The following DIP2C variants were observed in gnomAD, a reference collection of about 807,000 sequenced individuals.
DIP2C encodes the protein disco-interacting protein 2 homolog C.
A neutral mutation model predicts 192.4 loss-of-function variants in DIP2C; 33 were observed. That is an observed-to-expected ratio of 0.17 (90% CI 0.13 to 0.23). DIP2C has a LOEUF of 0.23. DIP2C is among the 10% of genes least tolerant of loss of function. The pLI, the probability that DIP2C is intolerant of heterozygous loss-of-function variation, is 1.00. For synonymous variants in DIP2C, 979 were observed against 864.1 expected, an observed-to-expected ratio of 1.13 and a Z score of -2.33; for missense variants, 1,537 against 2,110.1, an observed-to-expected ratio of 0.73 and a Z score of 5.32.
At chr10:468,307 A>AC (rs543729365) in intron 3 of DIP2C, among the ~76,000 whole-genome samples, 256 of 152,190 alleles carry the variant, frequency 1.7e-3, no homozygotes, top group African/African-American at 6.0e-3. Context: ...CCCAGTAATG[A>AC]CCCCATGCCC....
intron 17 of DIP2C, among the ~76,000 whole-genome samples, chr10:378,588 G>GACAT (rs1961936291): frequency 2.3e-5 from 2 of 85,510 alleles, no homozygotes; most frequent in African/African-American, 5.1e-5. Flanking sequence ...TGTGAACGCA[G>GACAT]ACATAGACAC....
In DIP2C at chr10:377,668, G is replaced by GT. The variant is rs1961785762; in HGVS notation, c.1991+4978dup. 2.6e-5 allele frequency among the ~76,000 whole-genome samples: 4 copies of GT among 152,158 alleles called. 1 individual carries two copies. The South Asian group carries it at 8.3e-4, about 32-fold the overall frequency. On this transcript the variant is annotated intron_variant, in intron 17 of 36. Coordinates refer to ENST00000280886, the MANE Select transcript of DIP2C (RefSeq NM_014974.3). ...CACTTTGGCTCAGGGCTGTGCTGAC[G>GT]TTTTCTCCGCTGTCACTCATCCAGG...
intron 24 of DIP2C, among the ~76,000 whole-genome samples, chr10:355,343 C>G (rs536062134): frequency 1.3e-5 from 2 of 152,224 alleles, no homozygotes; most frequent in East Asian, 3.9e-4. Context: ...AACTAAGCCA[C>G]GTGCAGAGAA....
chr10:446,101 C>A (rs1371107837), intron 3 of DIP2C, among the ~76,000 whole-genome samples: 1 of 151,830 alleles, frequency 6.6e-6, no homozygotes, highest in African/African-American at 2.4e-5. Flanking sequence ...CAAAGAGTCT[C>A]ATGGTCCACT....
chr10:363,253 G>T lies in DIP2C; in HGVS notation c.2536C>A (p.Gln846Lys). ...TCCTCTTCCGTGGAGTCAGGCCTCT[G>T]CTCAGCCACGATCACGATCCTCTCG... The part of the protein sequence containing the change: ...HDERIVIVAE[Q>K]RPDSTEEDSF... The change falls in exon 21 of 37, where the codon CAG (glutamine) becomes AAG (lysine). Residue 846 changes from glutamine (Q) to lysine (K), a missense_variant. Gln to Lys is a moderately conservative substitution (Grantham distance 53, BLOSUM62 1). This residue lies in a region of DIP2C where 677 missense variants were observed against 989.9 expected (regional missense o/e 0.68). Transcript: ENST00000280886. The surrounding 1 kb of genome is among the most constrained non-coding windows in gnomAD (Gnocchi z 5.4). The T allele has an allele frequency of 6.2e-7, 1 of 1,613,442 alleles. No individual in the cohort carries two copies. Among genetic ancestry groups the T allele is most frequent in the Non-Finnish European group, 8.5e-7 (1 of 1,179,986 alleles).
chr10:615,614 TACACACACACACCCGCCCC>T lies in DIP2C; in HGVS notation c.85+73861_85+73879del, dbSNP rs1554756149. ...ATGCCAGAAGAGATGTAGGTTCATA[TACACACACACACCCGCCCC>T]ACACACACACACAGGGTTTGCTTAG... On this transcript the variant is annotated intron_variant, in intron 1 of 36. Transcript: ENST00000280886. 5.3e-5 allele frequency among the ~76,000 whole-genome samples: 8 copies of T among 150,646 alleles called. No individual in the cohort carries two copies. The South Asian group carries it at 1.7e-3, about 32-fold the overall frequency.
chr10:458,020 C>T (rs1020558379), intron 3 of DIP2C, among the ~76,000 whole-genome samples: 4 of 152,302 alleles, frequency 2.6e-5, no homozygotes, highest in East Asian at 1.9e-4. Flanking sequence ...GCCCAGCCAC[C>T]CGCCCGAAAG....
chr10:327,404 A>C (rs1022360489), intron 30 of DIP2C, among the ~76,000 whole-genome samples: 6 of 152,228 alleles, frequency 3.9e-5, no homozygotes, highest in Non-Finnish European at 8.8e-5. Flanking sequence ...CACGTCTCAA[A>C]CAACCACCTG....
intron 2 of DIP2C, among the ~76,000 whole-genome samples, chr10:483,952 G>C (rs1228946597): frequency 1.3e-5 from 2 of 152,096 alleles, no homozygotes; most frequent in Non-Finnish European, 2.9e-5. Flanking sequence ...ATATAGCTGG[G>C]ATCACAGGCA....
At chr10:353,014 A>G (rs1047862332) in intron 24 of DIP2C, among the ~76,000 whole-genome samples, 1 of 152,136 alleles carries the variant, frequency 6.6e-6, no homozygotes, top group Non-Finnish European at 1.5e-5. Context: ...CGCAGGTGAC[A>G]GTCGTCATTC....
chr10:533,166 C>A (rs894171377), intron 1 of DIP2C, among the ~76,000 whole-genome samples: 2 of 149,042 alleles, frequency 1.3e-5, no homozygotes, highest in African/African-American at 5.2e-5. Flanking sequence ...TCAGAACTGA[C>A]CCTCCCTCGA....
intron 1 of DIP2C, among the ~76,000 whole-genome samples, chr10:548,214 C>CCG (rs1564838660): frequency 8.1e-6 from 1 of 122,970 alleles, no homozygotes; most frequent in Non-Finnish European, 1.8e-5. Context: ...CCCCACCCCC[C>CCG]CCCCCACAGG....
At chr10:500,772 A>G (rs1186474015) in intron 1 of DIP2C, among the ~76,000 whole-genome samples, 1 of 152,258 alleles carries the variant, frequency 6.6e-6, no homozygotes, top group African/African-American at 2.4e-5. Flanking sequence ...TGGGTAAGCA[A>G]TGGATAACAA....
chr10:324,798 G>C (rs537920236), intron 31 of DIP2C: 4 of 405,950 alleles, frequency 9.9e-6, no homozygotes, highest in Non-Finnish European at 1.6e-5. Context: ...CCCTGGTGCC[G>C]AGGTAAGGAC....
intron 29 of DIP2C, among the ~76,000 whole-genome samples, chr10:338,860 C>A (rs1958003324): frequency 2.1e-5 from 3 of 141,826 alleles, no homozygotes; most frequent in Admixed American, 1.4e-4. Context: ...CTGCCTGGCT[C>A]CCACAGCCCA....
At chr10:647,417 G>C (rs1428067998) in intron 1 of DIP2C, among the ~76,000 whole-genome samples, 2 of 151,922 alleles carry the variant, frequency 1.3e-5, no homozygotes, top group Non-Finnish European at 2.9e-5. Context: ...GGAGAGAACA[G>C]AGCGAAATTG....
intron 1 of DIP2C, among the ~76,000 whole-genome samples, chr10:529,215 C>T (rs948530607): frequency 6.6e-6 from 1 of 152,200 alleles, no homozygotes; most frequent in African/African-American, 2.4e-5. Context: ...TTCCTCTATA[C>T]CACACACCAG....
At chr10:365,143 A>G in intron 19 of DIP2C, 1 of 410,224 alleles carries the variant, frequency 2.4e-6, no homozygotes. Context: ...ATTTGTATCC[A>G]GCTCAGTTTC....
rs150344966 is a variant in DIP2C, at chr10:382,539, G to A, written c.1991+108C>T. On this transcript the variant is annotated intron_variant, in intron 17 of 36. Transcript: ENST00000280886. Reference sequence around the variant, plus strand: ...AACTCATCTTGAAAGGTTAGGTCCCGTTTTCACCCTCACCCTCAGCATCAA... The same window carrying A: ...AACTCATCTTGAAAGGTTAGGTCCCATTTTCACCCTCACCCTCAGCATCAA... The A allele has an allele frequency of 1.1e-3, 870 of 828,378 alleles. 24 individuals are homozygous for A. In the East Asian group the frequency reaches 0.023, roughly 22 times the overall value. The allele number at this position is 828,378 out of a possible 1,614,324, so 51.3% of individuals were successfully genotyped here. A position where few individuals can be genotyped will look rare whatever the true frequency, so the allele number is the denominator to read the frequency against.
Sources: gnomAD v4.1 joint callset for allele counts (sites outside exome capture counted in the v4.1 genomes callset) on GRCh38, gnomAD v4.1.1 for gene constraint, gnomAD v4.1.1 regional missense constraint, Gnocchi (gnomAD v3.1) non-coding constraint, MANE v1.5 for transcripts, NCBI Gene and HGNC (gene_info 2026-07-23, HGNC 2026-07-21) for gene names.